PIEZO2: variants seen among roughly 807,000 people sequenced by gnomAD.
The protein encoded by PIEZO2 is piezo type mechanosensitive ion channel component 2.
PIEZO2 carries 172 observed loss-of-function variants against 337.3 expected under a neutral mutation model. The ratio of observed to expected loss-of-function variants is 0.51; its 90% confidence interval spans 0.45 to 0.58. The LOEUF (loss-of-function observed/expected upper bound fraction) is 0.58. Among genes scored for constraint, PIEZO2 ranks in the 20% least tolerant of loss-of-function variants. The probability of loss-of-function intolerance (pLI) is 0.00; values close to 1 mark genes in which losing one functional copy is unlikely to be tolerated. For synonymous variants in PIEZO2, 1,251 were observed against 1,228.5 expected, an observed-to-expected ratio of 1.02 and a Z score of -0.38; for missense variants, 3,028 against 3,391.3, an observed-to-expected ratio of 0.89 and a Z score of 2.66.
intron 7 of PIEZO2, among the ~76,000 whole-genome samples, chr18:10,822,597 G>T (rs561121911): frequency 1.3e-5 from 2 of 152,330 alleles, no homozygotes; most frequent in South Asian, 4.1e-4. Context: ...GCCAGTGTCT[G>T]CTGGCCTCCA....
In PIEZO2 at chr18:10,726,870, G is replaced by A. The variant is rs1021743723; in HGVS notation, c.5029+4537C>T. On this transcript the variant is annotated intron_variant, in intron 36 of 55. Transcript: ENST00000674853. The surrounding 1 kb of genome is among the most constrained non-coding windows in gnomAD (Gnocchi z 5.9). ...TGCAGGACTTGGCACGCTACCGGCA[G>A]CAGCTGAAGCACATCATGGCCACCA... is the stretch of plus-strand genomic sequence containing the variant. 3.1e-6 allele frequency: 5 copies of A among 1,597,572 alleles called. No individual in the cohort carries two copies. In the African/African-American group the frequency reaches 6.7e-5, roughly 21 times the overall value.
chr18:11,144,804 CCT>C (rs1301838486), intron 1 of PIEZO2, among the ~76,000 whole-genome samples: 14 of 152,162 alleles, frequency 9.2e-5, no homozygotes, highest in Non-Finnish European at 1.5e-4. Flanking sequence ...TCTCTAATCC[CCT>C]GTTCCCCCAA....
rs149232063 is a variant in PIEZO2 at position 10,899,513 on chromosome 18, G to C, written c.329+11673C>G. On this transcript the variant is annotated intron_variant, in intron 4 of 55. Transcript: ENST00000674853. The surrounding 1 kb of genome is among the most constrained non-coding windows in gnomAD (Gnocchi z 4.6). Reference sequence around the variant, plus strand: ...AGCTTCCTCAGCATAAAATGCCTATGGAAAAGGCATTTTATGGTGGTTAGA... The same window carrying C: ...AGCTTCCTCAGCATAAAATGCCTATCGAAAAGGCATTTTATGGTGGTTAGA... Among the ~76,000 whole-genome samples the C allele has an allele frequency of 5.9e-5, 9 of 152,204 alleles. No individual in the cohort carries two copies. The East Asian group carries it at 1.7e-3, about 29-fold the overall frequency.
At chr18:10,770,797 CA>C (rs1406524110) in intron 20 of PIEZO2, among the ~76,000 whole-genome samples, 2 of 133,578 alleles carry the variant, frequency 1.5e-5, no homozygotes, top group Non-Finnish European at 3.1e-5. Flanking sequence ...GGCTAGAGTG[CA>C]GTGGCACAAT....
intron 1 of PIEZO2, among the ~76,000 whole-genome samples, chr18:11,093,974 GT>G (rs113407346): frequency 1.1e-4 from 16 of 148,902 alleles, no homozygotes; most frequent in East Asian, 4.0e-4. Flanking sequence ...ATTTGTTGGG[GT>G]TTTTTTTTCT....
intron 29 of PIEZO2, among the ~76,000 whole-genome samples, chr18:10,749,562 A>G (rs2037565932): frequency 6.6e-6 from 1 of 152,186 alleles, no homozygotes; most frequent in Non-Finnish European, 1.5e-5. Flanking sequence ...GCCACGTGTG[A>G]TGTCGTCCTT....
chr18:10,878,343 T>C lies in PIEZO2; in HGVS notation c.330-6928A>G, dbSNP rs534245054. 1.3e-3 allele frequency among the ~76,000 whole-genome samples: 195 copies of C among 152,308 alleles called. No homozygotes were observed. Among genetic ancestry groups the C allele is most frequent in the Non-Finnish European group, 2.4e-3 (162 of 68,032 alleles). On this transcript the variant is annotated intron_variant, in intron 4 of 55. Coordinates refer to ENST00000674853, the MANE Select transcript of PIEZO2 (RefSeq NM_001378183.1). This position sits in a 1 kb window ranked among gnomAD's most constrained non-coding sequence, Gnocchi z 4.3. ...TGCAAAGCACTGTTGAAGAATTAGA[T>C]GAGACACCTACCATAAAGAGCTCTG...
intron 2 of PIEZO2, among the ~76,000 whole-genome samples, chr18:10,997,119 C>T (rs2660283): frequency 0.51 from 77,113 of 151,682 alleles, 19,872 homozygotes; most frequent in African/African-American, 0.57. Flanking sequence ...GATAATTGAA[C>T]GGTGCATGTT....
At chr18:11,085,928 T>C (rs2146009370) in intron 1 of PIEZO2, among the ~76,000 whole-genome samples, 1 of 151,792 alleles carries the variant, frequency 6.6e-6, no homozygotes, top group African/African-American at 2.4e-5. Context: ...TAATGGTACA[T>C]GTGGTCATCT....
chr18:11,014,589 C>T (rs750747061), intron 2 of PIEZO2, among the ~76,000 whole-genome samples: 170 of 144,596 alleles, frequency 1.2e-3, no homozygotes, highest in Non-Finnish European at 1.2e-3. Context: ...GGTGGGAGAG[C>T]GATCCAGGGC....
At position 10,872,953 on chromosome 18, in the gene PIEZO2, A is replaced by T. The variant is rs2042174274; in HGVS notation, c.330-1538T>A. Among the ~76,000 whole-genome samples, 2 of 152,322 alleles carry T rather than the reference A, an allele frequency of 1.3e-5. No individual in the cohort carries two copies. Among genetic ancestry groups the T allele is most frequent in the Admixed American group, 6.5e-5 (1 of 15,302 alleles). ...GGAAAAATCAAGCATAGAACTTCAA[A>T]GGAGGGTTAAGTCTTTGAAAAAATG... On this transcript the variant is annotated intron_variant, in intron 4 of 55. Coordinates refer to ENST00000674853, the MANE Select transcript of PIEZO2 (RefSeq NM_001378183.1). This position sits in a 1 kb window ranked among gnomAD's most constrained non-coding sequence, Gnocchi z 4.3.
At chr18:11,095,108 G>A (rs947787599) in intron 1 of PIEZO2, among the ~76,000 whole-genome samples, 7 of 152,194 alleles carry the variant, frequency 4.6e-5, no homozygotes, top group African/African-American at 1.7e-4. Context: ...TTTGAATGGC[G>A]GAGAGATTCC....
chr18:10,897,499 GT>G (rs907425998), intron 4 of PIEZO2, among the ~76,000 whole-genome samples: 1 of 152,102 alleles, frequency 6.6e-6, no homozygotes, highest in Non-Finnish European at 1.5e-5. Flanking sequence ...CAGATCTGAT[GT>G]TTTTATAAGG....
intron 2 of PIEZO2, among the ~76,000 whole-genome samples, chr18:11,018,201 T>C (rs535884549): frequency 7.1e-6 from 1 of 141,696 alleles, no homozygotes; most frequent in African/African-American, 2.8e-5. Context: ...ATGGTGGTGG[T>C]GGTGGTGGTG....
At position 11,110,282 on chromosome 18, in the gene PIEZO2, T is replaced by C. The variant is rs2039692281; in HGVS notation, c.64+38243A>G. Among the ~76,000 whole-genome samples the C allele has an allele frequency of 6.6e-6, 1 of 152,232 alleles. No individual in the cohort carries two copies. The highest frequency in any genetic ancestry group is 2.4e-5 in the African/African-American group (1 of 41,462). Reference sequence around the variant, plus strand: ...ACAGGTGCAAGCCTCCTCATTTTTCTAATAAACATACACAGAAGATGTCTT... The same window carrying C: ...ACAGGTGCAAGCCTCCTCATTTTTCCAATAAACATACACAGAAGATGTCTT... On this transcript the variant is annotated intron_variant, in intron 1 of 55. Coordinates refer to ENST00000674853, the MANE Select transcript of PIEZO2 (RefSeq NM_001378183.1). The surrounding 1 kb of genome is among the most constrained non-coding windows in gnomAD (Gnocchi z 4.2).
At chr18:10,743,432 G>T (rs960552243) in intron 31 of PIEZO2, among the ~76,000 whole-genome samples, 1 of 152,216 alleles carries the variant, frequency 6.6e-6, no homozygotes, top group South Asian at 2.1e-4. Flanking sequence ...TTCCATCATT[G>T]CTGGAAATTT....
chr18:10,816,957 T>C (rs1433031248), intron 7 of PIEZO2, among the ~76,000 whole-genome samples: 1 of 152,182 alleles, frequency 6.6e-6, no homozygotes, highest in African/African-American at 2.4e-5. Context: ...GGAATAAAAT[T>C]AGGCATGGTA....
chr18:10,991,782 C>G (rs1296565455), intron 2 of PIEZO2, among the ~76,000 whole-genome samples: 1 of 152,110 alleles, frequency 6.6e-6, no homozygotes, highest in Admixed American at 6.5e-5. Context: ...ATTTCTAGTT[C>G]TAGATCCTTG....
chr18:11,053,424 G>T (rs964065850), intron 2 of PIEZO2, among the ~76,000 whole-genome samples: 1 of 152,124 alleles, frequency 6.6e-6, no homozygotes, highest in African/African-American at 2.4e-5. Flanking sequence ...AATTAATAAT[G>T]CTGTGCTTCA....
Sources: allele counts gnomAD v4.1 joint callset (sites outside exome capture counted in the v4.1 genomes callset), GRCh38; gene constraint gnomAD v4.1.1; non-coding constraint Gnocchi (gnomAD v3.1); transcripts MANE v1.5; gene names NCBI Gene and HGNC (gene_info 2026-07-23, HGNC 2026-07-21).